The following VSNL1 variants were observed in gnomAD, a reference collection of about 807,000 sequenced individuals.
VSNL1 encodes the protein visinin like 1, also known as visinin-like protein 1.
VSNL1 carries 6 observed loss-of-function variants against 20.4 expected under a neutral mutation model. The observed-to-expected ratio is 0.29, with a 90% CI of 0.16 to 0.58. The LOEUF is 0.58. Ranked by LOEUF, VSNL1 falls within the 20% of genes least tolerant of loss-of-function variation. VSNL1 has a pLI of 0.90. For missense variants in VSNL1, 100 were observed against 234.5 expected (o/e 0.43, Z 3.75); for synonymous variants, 93 against 86.4 (o/e 1.08, Z -0.42).
chr2:17,592,919 G>C (rs1438808109), intron 2 of VSNL1, among the ~76,000 whole-genome samples: 1 of 152,034 alleles, frequency 6.6e-6, no homozygotes, highest in East Asian at 1.9e-4. Flanking sequence ...TCTACAAGTT[G>C]TATTGGTTCT....
intron 1 of VSNL1, among the ~76,000 whole-genome samples, chr2:17,547,936 G>A (rs534161064): frequency 1.3e-5 from 2 of 152,096 alleles, no homozygotes; most frequent in South Asian, 2.1e-4. Flanking sequence ...AACGTTTCAG[G>A]AGCTCCGCTT....
intron 1 of VSNL1, chr2:17,567,397 C>CCA: frequency 8.1e-6 from 1 of 123,220 alleles, no homozygotes; most frequent in South Asian, 2.6e-4. Flanking sequence ...CTGCCTCTGT[C>CCA]GCCCAGGCTG....
At chr2:17,540,394 C>T (rs1421539038), upstream of VSNL1, among the ~76,000 whole-genome samples, 3 of 152,244 alleles carry the variant, frequency 2.0e-5, no homozygotes, top group African/African-American at 4.8e-5. Flanking sequence ...ACCCGCAGTC[C>T]CTCGCGCCCG....
intron 1 of VSNL1, among the ~76,000 whole-genome samples, chr2:17,579,975 G>T (rs1305360364): frequency 6.6e-6 from 1 of 152,106 alleles, no homozygotes; most frequent in Non-Finnish European, 1.5e-5. Flanking sequence ...AGTTGTGATC[G>T]GGAGACACAG....
chr2:17,609,009 T>C (rs1198177237), intron 2 of VSNL1, among the ~76,000 whole-genome samples: 1 of 152,184 alleles, frequency 6.6e-6, no homozygotes, highest in Non-Finnish European at 1.5e-5. Context: ...CATGCACATA[T>C]ATATATTCAG....
chr2:17,636,388 T>C (rs1270379918), intron 2 of VSNL1, among the ~76,000 whole-genome samples: 1 of 152,166 alleles, frequency 6.6e-6, no homozygotes, highest in Admixed American at 6.6e-5. Context: ...CCTGCTTCCT[T>C]GACCAGTGGA....
chr2:17,578,289 G>T (rs992420911), intron 1 of VSNL1, among the ~76,000 whole-genome samples: 3 of 152,188 alleles, frequency 2.0e-5, no homozygotes, highest in African/African-American at 7.2e-5. Context: ...TGTGATGGAA[G>T]GCACTGATAA....
chr2:17,616,358 T>C (rs1401245964), intron 2 of VSNL1, among the ~76,000 whole-genome samples: 1 of 152,264 alleles, frequency 6.6e-6, no homozygotes, highest in Non-Finnish European at 1.5e-5. Context: ...GTGGCTCCTG[T>C]CGGGCTCTCA....
intron 2 of VSNL1, among the ~76,000 whole-genome samples, chr2:17,622,582 AAG>A (rs1665403219): frequency 7.1e-6 from 1 of 141,482 alleles, no homozygotes; most frequent in Non-Finnish European, 1.6e-5. Flanking sequence ...GAAAGAAAGA[AAG>A]AAAGAAAGAA....
chr2:17,549,982 G>C (rs1436024880), intron 1 of VSNL1, among the ~76,000 whole-genome samples: 1 of 152,194 alleles, frequency 6.6e-6, no homozygotes. Flanking sequence ...AGGCATCATA[G>C]TGTGTAGCTG....
At position 17,652,232 on chromosome 2, in the gene VSNL1, A is replaced by T. The variant is rs187959532; in HGVS notation, c.378+2607A>T. Among the ~76,000 whole-genome samples, 368 of 152,308 alleles carry T rather than the reference A, an allele frequency of 2.4e-3. 1 individual carries two copies. Among genetic ancestry groups the T allele is most frequent in the African/African-American group, 7.2e-3 (299 of 41,568 alleles). On this transcript the variant is annotated intron_variant, in intron 3 of 3. Coordinates refer to ENST00000295156, the MANE Select transcript of VSNL1 (RefSeq NM_003385.5). Reference sequence around the variant, plus strand: ...TCCAGAGGACTGAGGTCCTGGGGCAACCTGATGTTTAGAGGTGAGGAACAT... The same window carrying T: ...TCCAGAGGACTGAGGTCCTGGGGCATCCTGATGTTTAGAGGTGAGGAACAT...
intron 2 of VSNL1, among the ~76,000 whole-genome samples, chr2:17,592,690 A>G: frequency 9.0e-6 from 1 of 110,640 alleles, no homozygotes; most frequent in South Asian, 3.0e-4. Flanking sequence ...ACCAGAAAAG[A>G]TACTCCTGTA....
chr2:17,608,528 C>A (rs888220826), intron 2 of VSNL1, among the ~76,000 whole-genome samples: 10 of 152,114 alleles, frequency 6.6e-5, no homozygotes, highest in Non-Finnish European at 1.3e-4. Flanking sequence ...AAGACCAGAC[C>A]AACCAGGAAG....
intron 2 of VSNL1, among the ~76,000 whole-genome samples, chr2:17,633,966 A>G (rs866954488): frequency 6.6e-6 from 1 of 152,218 alleles, no homozygotes; most frequent in East Asian, 1.9e-4. Flanking sequence ...AGCACTCTGG[A>G]AAGATTTCCC....
chr2:17,557,848 A>T (rs1311850924), intron 1 of VSNL1, among the ~76,000 whole-genome samples: 1 of 152,148 alleles, frequency 6.6e-6, no homozygotes, highest in Non-Finnish European at 1.5e-5. Flanking sequence ...AGAAATTTAC[A>T]AGCACCTGTG....
intron 2 of VSNL1, among the ~76,000 whole-genome samples, chr2:17,631,454 T>C (rs1478388258): frequency 6.6e-6 from 1 of 152,210 alleles, no homozygotes; most frequent in Non-Finnish European, 1.5e-5. Flanking sequence ...TGTTCTGGTA[T>C]CAGAGGCAAT....
At chr2:17,611,573 G>A (rs1258449241) in intron 2 of VSNL1, among the ~76,000 whole-genome samples, 1 of 152,204 alleles carries the variant, frequency 6.6e-6, no homozygotes, top group Non-Finnish European at 1.5e-5. Flanking sequence ...CCTTGAACTT[G>A]GTCAAAGAGT....
intron 1 of VSNL1, among the ~76,000 whole-genome samples, chr2:17,573,521 T>C (rs946125135): frequency 6.6e-6 from 1 of 152,188 alleles, no homozygotes; most frequent in South Asian, 2.1e-4. Flanking sequence ...GAATTCATGG[T>C]TAGAAATTAG....
intron 1 of VSNL1, among the ~76,000 whole-genome samples, chr2:17,549,960 C>T (rs550370830): frequency 1.3e-5 from 2 of 152,332 alleles, no homozygotes; most frequent in South Asian, 2.1e-4. Context: ...TTAGGCATCA[C>T]ACCTGTGCTT....
Sources: gnomAD v4.1 joint callset for allele counts (sites outside exome capture counted in the v4.1 genomes callset) on GRCh38, gnomAD v4.1.1 for gene constraint, MANE v1.5 for transcripts, NCBI Gene and HGNC (gene_info 2026-07-23, HGNC 2026-07-21) for gene names.